CUTC: variants seen among roughly 807,000 people sequenced by gnomAD.
CUTC encodes the protein copper homeostasis protein cutC homolog.
CUTC carries 27 observed loss-of-function variants against 36.2 expected under a neutral mutation model. The ratio of observed to expected loss-of-function variants is 0.75; its 90% CI spans 0.55 to 1.03. CUTC has a LOEUF of 1.03. Among genes scored for constraint, CUTC ranks in the 50% least tolerant of loss-of-function variants. CUTC has a pLI of 0.00. For missense variants in CUTC, 315 were observed against 343.5 expected (o/e 0.92, Z 0.66); for synonymous variants, 114 against 118.3 (o/e 0.96, Z 0.24).
chr10:99,745,242 A>G lies in CUTC; in HGVS notation c.439+1170A>G, dbSNP rs182987253. 1.5e-3 allele frequency among the ~76,000 whole-genome samples: 224 copies of G among 152,322 alleles called. 2 individuals are homozygous for G. Among genetic ancestry groups the G allele is most frequent in the African/African-American group, 4.9e-3 (205 of 41,578 alleles). The stretch of plus-strand genomic sequence containing the variant: ...ATAGGTTTAACAAAAATATTTTCAT[A>G]TTTTCAAAATTTGTAGAATTTTTGG... On this transcript the variant is annotated intron_variant, in intron 5 of 8. Coordinates refer to ENST00000370476, the MANE Select transcript of CUTC (RefSeq NM_015960.3).
At chr10:99,755,534 T>A (rs2037449920) in intron 8 of CUTC, 91 bp from the exon 9 acceptor site, 1 of 770,458 alleles carries the variant, frequency 1.3e-6, no homozygotes, top group Non-Finnish European at 2.2e-6. Flanking sequence ...TGACCTACCC[T>A]TGTATCATGA....
intron 8 of CUTC, 109 bp downstream of exon 8, chr10:99,754,743 C>T: frequency 1.4e-6 from 1 of 725,992 alleles, no homozygotes; most frequent in South Asian, 1.6e-5. Context: ...AATATTGTGA[C>T]TACTACATAA....
rs1163350087 is a variant in CUTC at position 99,754,600 on chromosome 10, G to A, written c.673G>A (p.Ala225Thr). Residue 225 changes from alanine (A) to threonine (T), a missense_variant, in exon 8 of 9, where the codon GCT becomes ACT. Ala to Thr is a moderately conservative substitution (Grantham distance 58, BLOSUM62 0). Transcript: ENST00000370476. The stretch of plus-strand genomic sequence containing the variant: ...AGGTGCTACAGAATTCCACTGTTCT[G>A]CTCGGTCTACTAGAGACTCGGGAAT... The part of the protein sequence containing the change: ...GSGATEFHCS[A>T]RSTRDSGMKF... 1 of 1,613,412 alleles carries A rather than the reference G, an allele frequency of 6.2e-7. No homozygotes were observed. Among genetic ancestry groups the A allele is most frequent in the African/African-American group, 1.3e-5 (1 of 74,890 alleles).
intron 5 of CUTC, among the ~76,000 whole-genome samples, chr10:99,745,717 C>T (rs774014701): frequency 3.3e-5 from 5 of 152,096 alleles, no homozygotes; most frequent in Non-Finnish European, 5.9e-5. Context: ...ATTAGCTGGG[C>T]GTGGTGGCGC....
chr10:99,732,388 C>T lies in CUTC; in HGVS notation c.40C>T (p.Arg14Trp), dbSNP rs1295893904. The T allele has an allele frequency of 1.3e-6, 2 of 1,552,554 alleles. No individual in the cohort carries two copies. The highest frequency in any genetic ancestry group is 1.7e-6 in the Non-Finnish European group (2 of 1,147,968). The change falls in exon 1 of 9, where the codon CGG becomes TGG. Residue 14 changes from arginine (R) to tryptophan (W), a missense_variant. Arg to Trp is a moderately radical substitution (Grantham distance 101). Coordinates refer to ENST00000370476, the MANE Select transcript of CUTC (RefSeq NM_015960.3). The part of the protein sequence containing the change: ...QGASSERKRA[R>W]IPSGKAGAAN... ...GGCCTCCTCTGAGCGAAAACGAGCG[C>T]GGATACCGTCCGGGAAGGCCGGTGC... is the stretch of plus-strand genomic sequence containing the variant.
intron 1 of CUTC, among the ~76,000 whole-genome samples, chr10:99,733,154 C>T (rs898592960): frequency 6.6e-6 from 1 of 151,872 alleles, no homozygotes; most frequent in Non-Finnish European, 1.5e-5. Context: ...ACTAAAAATA[C>T]AAAAATTAGC....
intron 1 of CUTC, among the ~76,000 whole-genome samples, chr10:99,735,197 G>A (rs1413871886): frequency 6.7e-6 from 1 of 150,302 alleles, no homozygotes; most frequent in African/African-American, 2.4e-5. Flanking sequence ...AAGGTAGAAA[G>A]TAATTCATAT....
At chr10:99,748,350 C>G (rs1409249183) in intron 6 of CUTC, among the ~76,000 whole-genome samples, 1 of 152,130 alleles carries the variant, frequency 6.6e-6, no homozygotes, top group Non-Finnish European at 1.5e-5. Flanking sequence ...ACTAATGTTC[C>G]TGTGTAGACA....
At chr10:99,751,756 G>T (rs1400675988) in intron 7 of CUTC, among the ~76,000 whole-genome samples, 1 of 152,170 alleles carries the variant, frequency 6.6e-6, no homozygotes, top group Non-Finnish European at 1.5e-5. Flanking sequence ...TACTTGGGAG[G>T]CTGAGGCATG....
intron 6 of CUTC, among the ~76,000 whole-genome samples, chr10:99,747,706 A>G (rs1039484844): frequency 2.0e-5 from 3 of 152,100 alleles, no homozygotes; most frequent in Admixed American, 2.0e-4. Flanking sequence ...TTTAGTTTAG[A>G]TATAAGGTCT....
chr10:99,747,287 C>T lies in CUTC; in HGVS notation c.470C>T (p.Ala157Val). ...AFDMVHDPMA[A>V]LETLLTLGFE... The stretch of plus-strand genomic sequence containing the variant: ...GACATGGTTCATGATCCAATGGCAG[C>T]TCTGGAGACCCTCTTAACCTTGGGA... The change falls in exon 6 of 9, where the codon GCT (alanine) becomes GTT (valine). Residue 157 changes from alanine to valine, a missense_variant. Physicochemically the swap from Ala to Val is moderately conservative, Grantham distance 64. Transcript: ENST00000370476. 1 of 1,614,132 alleles carries T rather than the reference C, an allele frequency of 6.2e-7. No individual in the cohort carries two copies. Among genetic ancestry groups the T allele is most frequent in the Non-Finnish European group, 8.5e-7 (1 of 1,180,008 alleles).
At chr10:99,754,252 A>C (rs540254205) in intron 7 of CUTC, among the ~76,000 whole-genome samples, 13 of 152,256 alleles carry the variant, frequency 8.5e-5, no homozygotes, top group Admixed American at 5.9e-4. Flanking sequence ...GCTTTAATTG[A>C]GGGACAAGCA....
chr10:99,742,048 C>T (rs2037345441), intron 3 of CUTC, among the ~76,000 whole-genome samples: 1 of 152,164 alleles, frequency 6.6e-6, no homozygotes, highest in African/African-American at 2.4e-5. Flanking sequence ...GTGGGTCCCC[C>T]ATCCCTGTGC....
intron 6 of CUTC, among the ~76,000 whole-genome samples, chr10:99,750,013 T>C (rs983794695): frequency 6.6e-6 from 1 of 151,950 alleles, no homozygotes; most frequent in Non-Finnish European, 1.5e-5. Context: ...TAAAAAGAGA[T>C]TTTATCACAT....
rs1004453250 is a variant in CUTC at position 99,755,665 on chromosome 10, G to A, written c.748G>A (p.Glu250Lys). ...CATGGGAGCCTCACTTTCTTGCTCA[G>A]AATATTCCCTAAAGGTAACAGATGT... ...VAMGASLSCS[E>K]YSLKVTDVTK... Residue 250 changes from glutamate to lysine, a missense_variant, in exon 9 of 9, where the codon GAA (glutamate) becomes AAA (lysine). Glu to Lys is a moderately conservative substitution (Grantham distance 56). Transcript: ENST00000370476. 1.2e-6 allele frequency: 2 copies of A among 1,613,890 alleles called. No homozygotes were observed. The highest frequency in any genetic ancestry group is 3.3e-5 in the Admixed American group (2 of 59,988).
At chr10:99,734,257 A>T (rs1432151745) in intron 1 of CUTC, among the ~76,000 whole-genome samples, 2 of 152,030 alleles carry the variant, frequency 1.3e-5, no homozygotes, top group Non-Finnish European at 2.9e-5. Flanking sequence ...TTTAGTAGAG[A>T]TGGGGTTTCG....
chr10:99,735,081 G>A (rs2037283647), intron 1 of CUTC, among the ~76,000 whole-genome samples: 1 of 135,208 alleles, frequency 7.4e-6, no homozygotes, highest in Non-Finnish European at 1.5e-5. Context: ...TAGCCTGGGC[G>A]ACAGAGCAAG....
At chr10:99,751,596 G>A (rs1025442773) in intron 7 of CUTC, among the ~76,000 whole-genome samples, 16 of 152,140 alleles carry the variant, frequency 1.1e-4, no homozygotes, top group Admixed American at 7.2e-4. Context: ...AGTGGCTCAC[G>A]CCTGTAATCC....
intron 5 of CUTC, among the ~76,000 whole-genome samples, chr10:99,744,913 C>G (rs1388581792): frequency 6.6e-6 from 1 of 152,132 alleles, no homozygotes; most frequent in East Asian, 1.9e-4. Context: ...CCACCATGCC[C>G]AGCTAATTTT....
Sources: allele counts gnomAD v4.1 joint callset (sites outside exome capture counted in the v4.1 genomes callset), GRCh38; gene constraint gnomAD v4.1.1; transcripts MANE v1.5; gene names NCBI Gene and HGNC (gene_info 2026-07-23, HGNC 2026-07-21).